The following CHML variants were observed in gnomAD, a reference collection of about 807,000 sequenced individuals.
The protein encoded by CHML is rab proteins geranylgeranyltransferase component A 2.
Under a neutral mutation model 30.4 loss-of-function variants are expected in CHML, and 20 were observed. The observed-to-expected ratio is 0.66, with a 90% CI of 0.46 to 0.95. The LOEUF (loss-of-function observed/expected upper bound fraction) is 0.95. Ranked by LOEUF, CHML falls within the 40% of genes least tolerant of loss-of-function variation. The pLI, the probability that CHML is intolerant of heterozygous loss-of-function variation, is 0.00. For synonymous variants in CHML, 281 were observed against 275.0 expected, an observed-to-expected ratio of 1.02 and a Z score of -0.22; for missense variants, 795 against 768.5, an observed-to-expected ratio of 1.03 and a Z score of -0.41.
chr1:241,637,656 T>C (rs140519461), intron 1 of CHML, among the ~76,000 whole-genome samples: 1,793 of 152,182 alleles, frequency 0.012, 23 homozygotes, highest in Middle Eastern at 0.027. Flanking sequence ...CCTACAGATA[T>C]CAAAGGGGTC....
At position 241,631,869 on chromosome 1, in the gene CHML, G is replaced by A. The variant is rs909222341; in HGVS notation, c.*1927C>T. On this transcript the variant is annotated 3_prime_UTR_variant, in exon 2 of 2. Coordinates refer to ENST00000366553, the MANE Select transcript of CHML (RefSeq NM_001381853.1). The stretch of plus-strand genomic sequence containing the variant: ...GGGCACTTTCTCTTTCTCCTGCAGC[G>A]CCTACACTCTCTAACAGTGAATGTT... The A allele has an allele frequency of 4.6e-5, 7 of 152,068 alleles. No homozygotes were observed. Among genetic ancestry groups the A allele is most frequent in the Admixed American group, 2.0e-4 (3 of 15,262 alleles). The allele number at this position is 152,068 out of a possible 1,614,324, so 9.4% of individuals were successfully genotyped here.
At chr1:241,639,807 G>C in intron 1 of CHML, 75 bp downstream of exon 1, 1 of 1,337,402 alleles carries the variant, frequency 7.5e-7, no homozygotes, top group Non-Finnish European at 9.7e-7. Context: ...CTGGGGGGCG[G>C]ACGCACGGAG....
Position 241,634,030 on chromosome 1 carries a change from C to T in CHML, c.1737G>A (p.Gly579=), listed in dbSNP as rs199737234. ...GLPSNVYVCS[G]PDCGLGNEHA... is the part of the protein sequence containing the mutation. ...GCTCATTTCCCAGGCCACAGTCAGG[C>T]CCAGAGCAGACATAAACATTGGAAG... The change falls in exon 2 of 2, where the codon GGG becomes GGA. Residue 579 remains glycine (G), a synonymous_variant. Coordinates refer to ENST00000366553, the MANE Select transcript of CHML (RefSeq NM_001381853.1). The T allele has an allele frequency of 9.2e-5, 148 of 1,613,614 alleles. No individual in the cohort carries two copies. In the East Asian group the frequency reaches 3.0e-3, roughly 33 times the overall value.
At chr1:241,637,897 T>A (rs929115280) in intron 1 of CHML, among the ~76,000 whole-genome samples, 1 of 152,158 alleles carries the variant, frequency 6.6e-6, no homozygotes, top group Admixed American at 6.5e-5. Context: ...GCTACTTCCC[T>A]CATTTTTAAC....
rs1216379294 is a variant in CHML, at chr1:241,640,127, C to A, written c.-553G>T. On this transcript the variant is annotated 5_prime_UTR_variant, in exon 1 of 2. Coordinates refer to ENST00000366553, the MANE Select transcript of CHML (RefSeq NM_001381853.1). The stretch of plus-strand genomic sequence containing the variant: ...AATGGAGCCCAGCAGCAGCGCCAGG[C>A]GCTCGTAGGTGCCGGGGCTGAAGAG... 12 of 1,595,320 alleles carry A rather than the reference C, an allele frequency of 7.5e-6. No homozygotes were observed. Among genetic ancestry groups the A allele is most frequent in the East Asian group, 2.3e-5 (1 of 42,566 alleles).
In CHML at chr1:241,639,882, C is replaced by A. The variant is rs770863440; in HGVS notation, c.-308G>T. 1.3e-6 allele frequency: 2 copies of A among 1,566,976 alleles called. No individual in the cohort carries two copies. The highest frequency in any genetic ancestry group is 1.4e-5 in the African/African-American group (1 of 72,854). On this transcript the variant is annotated splice_region_variant and 5_prime_UTR_variant, in exon 1 of 2. It introduces an in-frame stop codon into an upstream open reading frame of the 5' UTR. Coordinates refer to ENST00000366553, the MANE Select transcript of CHML (RefSeq NM_001381853.1). ...GCTGCCTTCTCCCAGTCCAACTCAC[C>A]GAAGAGGCTGCCGCTAAACCCGTCC...
In CHML at chr1:241,631,202, T is replaced by C. The variant is rs1466651534; in HGVS notation, c.*2594A>G. ...AACTTCTCATTTCCCACTTATTTTG[T>C]ATTAAGAAATATATTCATTTTCTTC... On this transcript the variant is annotated 3_prime_UTR_variant, in exon 2 of 2. Transcript: ENST00000366553. 6.6e-6 allele frequency: 1 copy of C among 152,152 alleles called. No individual in the cohort carries two copies. Among genetic ancestry groups the C allele is most frequent in the Admixed American group, 6.5e-5 (1 of 15,270 alleles). 9.4% of individuals were successfully genotyped at this position (152,152 alleles called of 1,614,324 possible).
At position 241,640,311 on chromosome 1, in the gene CHML, G is replaced by C. The variant is rs1274936063; in HGVS notation, c.-737C>G. 2 of 1,100,440 alleles carry C rather than the reference G, an allele frequency of 1.8e-6. No individual in the cohort carries two copies. Among genetic ancestry groups the C allele is most frequent in the Admixed American group, 1.0e-4 (2 of 19,534 alleles). The allele number at this position is 1,100,440 out of a possible 1,614,324, so 68.2% of individuals were successfully genotyped here. ...GCGCTCAGCTTGCGGCGGGGCTCGC[G>C]GCGCGCTCCGCACTGGGTGGGGTTG... is the stretch of plus-strand genomic sequence containing the variant. On this transcript the variant is annotated 5_prime_UTR_variant, in exon 1 of 2. Transcript: ENST00000366553.
Position 241,640,051 on chromosome 1 carries a change from CT to C in CHML, c.-478del. The C allele has an allele frequency of 1.2e-6, 2 of 1,612,874 alleles. No individual in the cohort carries two copies. Among genetic ancestry groups the C allele is most frequent in the Non-Finnish European group, 1.7e-6 (2 of 1,179,530 alleles). Reference sequence around the variant, plus strand: ...GAGTGGGAGTGCGGAGCCGCTGGAACTTGTAGTAGAGGACGAGCACCAGCAG... The same window carrying C: ...GAGTGGGAGTGCGGAGCCGCTGGAACTGTAGTAGAGGACGAGCACCAGCAG... On this transcript the variant is annotated 5_prime_UTR_variant, in exon 1 of 2. An upstream open reading frame in the 5' UTR gains an earlier in-frame stop. Transcript: ENST00000366553.
In CHML at chr1:241,631,063, T is replaced by C. The variant is rs1413518954; in HGVS notation, c.*2733A>G. ...CTTCATGATACATGGATAGACATTA[T>C]TTAAACATTTGAAAAAGTTCACCAG... On this transcript the variant is annotated 3_prime_UTR_variant, in exon 2 of 2. Coordinates refer to ENST00000366553, the MANE Select transcript of CHML (RefSeq NM_001381853.1). 6.6e-6 allele frequency: 1 copy of C among 152,116 alleles called. No homozygotes were observed. The highest frequency in any genetic ancestry group is 1.5e-5 in the Non-Finnish European group (1 of 67,966). 9.4% of individuals were successfully genotyped at this position (152,116 alleles called of 1,614,324 possible). A position where few individuals can be genotyped will look rare whatever the true frequency, so the allele number is the denominator to read the frequency against.
chr1:241,631,345 T>C lies in CHML; in HGVS notation c.*2451A>G, dbSNP rs761607713. ...TCAATTTCTTATGAATAATCTGTGA[T>C]ACTGAAAATCTTTTCGGTAGATCTG... On this transcript the variant is annotated 3_prime_UTR_variant, in exon 2 of 2. Transcript: ENST00000366553. 1 of 152,132 alleles carries C rather than the reference T, an allele frequency of 6.6e-6. No homozygotes were observed. Among genetic ancestry groups the C allele is most frequent in the Non-Finnish European group, 1.5e-5 (1 of 67,982 alleles). The allele number at this position is 152,132 out of a possible 1,614,324, so 9.4% of individuals were successfully genotyped here.
Position 241,636,041 on chromosome 1 carries a change from C to G in CHML, c.-275G>C. On this transcript the variant is annotated 5_prime_UTR_variant, in exon 2 of 2. The change abolishes an upstream ATG in the 5' untranslated region. Coordinates refer to ENST00000366553, the MANE Select transcript of CHML (RefSeq NM_001381853.1). Reference sequence around the variant, plus strand: ...CATCTTAGCAGTAAATGTCAAAATGCATCATATATGCATTTGTGACTGGAA... The same window carrying G: ...CATCTTAGCAGTAAATGTCAAAATGGATCATATATGCATTTGTGACTGGAA... 1 of 473,674 alleles carries G rather than the reference C, an allele frequency of 2.1e-6. No individual in the cohort carries two copies. Among genetic ancestry groups the G allele is most frequent in the Non-Finnish European group, 3.7e-6 (1 of 270,246 alleles). The allele number at this position is 473,674 out of a possible 1,614,324, so 29.3% of individuals were successfully genotyped here. A position where few individuals can be genotyped will look rare whatever the true frequency, so the allele number is the denominator to read the frequency against.
rs1664552485 is a variant in CHML, at chr1:241,629,826, A to G, written c.*3970T>C. On this transcript the variant is annotated 3_prime_UTR_variant, in exon 2 of 2. Coordinates refer to ENST00000366553, the MANE Select transcript of CHML (RefSeq NM_001381853.1). ...ATTTCTTTCTTTCCATTGGCTTATT[A>G]ATTTCAGTTAAACTTTCTACTTGGC... 6.6e-6 allele frequency: 1 copy of G among 152,062 alleles called. No individual in the cohort carries two copies. The highest frequency in any genetic ancestry group is 1.5e-5 in the Non-Finnish European group (1 of 67,954). The allele number at this position is 152,062 out of a possible 1,614,324, so 9.4% of individuals were successfully genotyped here. A position where few individuals can be genotyped will look rare whatever the true frequency, so the allele number is the denominator to read the frequency against.
At chr1:241,638,498 C>T (rs981372322) in intron 1 of CHML, among the ~76,000 whole-genome samples, 4 of 152,204 alleles carry the variant, frequency 2.6e-5, no homozygotes, top group African/African-American at 9.7e-5. Flanking sequence ...CTGGAGAACA[C>T]TACTGATGAT....
In CHML at chr1:241,629,900, G is replaced by A. The variant is rs1664555864; in HGVS notation, c.*3896C>T. On this transcript the variant is annotated 3_prime_UTR_variant, in exon 2 of 2. Transcript: ENST00000366553. Reference sequence around the variant, plus strand: ...GCTTAATAGCATGTTTTAAGGATTTGGAGAGCAAGGCTCCCATTTTTTCCC... The same window carrying A: ...GCTTAATAGCATGTTTTAAGGATTTAGAGAGCAAGGCTCCCATTTTTTCCC... The A allele has an allele frequency of 6.6e-6, 1 of 151,954 alleles. No homozygotes were observed. Among genetic ancestry groups the A allele is most frequent in the South Asian group, 2.1e-4 (1 of 4,824 alleles). 9.4% of individuals were successfully genotyped at this position (151,954 alleles called of 1,614,324 possible).
At position 241,632,299 on chromosome 1, in the gene CHML, C is replaced by G. The variant is rs1198316443; in HGVS notation, c.*1497G>C. On this transcript the variant is annotated 3_prime_UTR_variant, in exon 2 of 2. Coordinates refer to ENST00000366553, the MANE Select transcript of CHML (RefSeq NM_001381853.1). ...ACATGGAACTGTGAGTCCATTAAACCTTTTTCTTTACAAATTACCATCTCA... is the reference window on the plus strand; with the variant it reads ...ACATGGAACTGTGAGTCCATTAAACGTTTTTCTTTACAAATTACCATCTCA... 6.6e-6 allele frequency: 1 copy of G among 152,454 alleles called. No individual in the cohort carries two copies. The highest frequency in any genetic ancestry group is 1.5e-5 in the Non-Finnish European group (1 of 68,294). 9.4% of individuals were successfully genotyped at this position (152,454 alleles called of 1,614,324 possible).
Position 241,633,815 on chromosome 1 carries a change from T to C in CHML, c.1952A>G (p.Glu651Gly). 2 of 1,613,758 alleles carry C rather than the reference T, an allele frequency of 1.2e-6. No homozygotes were observed. The highest frequency in any genetic ancestry group is 1.7e-6 in the Non-Finnish European group (2 of 1,179,730). Residue 651 changes from glutamate (E) to glycine (G), a missense_variant, in exon 2 of 2, where the codon GAG (glutamate) becomes GGG (glycine). Glu to Gly is a moderately conservative substitution (Grantham distance 98). Transcript: ENST00000366553. ...SEESKNLESPEKHLQN is the reference protein window; with the variant it reads ...SEESKNLESPGKHLQN ...TCTTTTCTAATTTTGAAGGTGCTTC[T>C]CTGGGCTTTCTAGGTTTTTGCTTTC...
rs955694277 is a variant in CHML at position 241,630,634 on chromosome 1, T to C, written c.*3162A>G. On this transcript the variant is annotated 3_prime_UTR_variant, in exon 2 of 2. Coordinates refer to ENST00000366553, the MANE Select transcript of CHML (RefSeq NM_001381853.1). The stretch of plus-strand genomic sequence containing the variant: ...TTGCAATGACAGGTCTCTTTAACCA[T>C]ATATAAAAATAGTGCCAACACTGTT... 10 of 152,170 alleles carry C rather than the reference T, an allele frequency of 6.6e-5. No individual in the cohort carries two copies. Among genetic ancestry groups the C allele is most frequent in the Middle Eastern group, 3.4e-3 (1 of 294 alleles). 9.4% of individuals were successfully genotyped at this position (152,170 alleles called of 1,614,324 possible).
chr1:241,639,331 T>G (rs1265647048), intron 1 of CHML: 2 of 152,260 alleles, frequency 1.3e-5, no homozygotes, highest in East Asian at 3.8e-4. Flanking sequence ...TCTCATTCCC[T>G]AGAAAGCATT....
Sources: allele counts gnomAD v4.1 joint callset (sites outside exome capture counted in the v4.1 genomes callset), GRCh38; gene constraint gnomAD v4.1.1; transcripts MANE v1.5; gene names NCBI Gene and HGNC (gene_info 2026-07-23, HGNC 2026-07-21).